Variants in SLC30A7 observed in about 807,000 individuals in gnomAD.
SLC30A7 encodes zinc transporter 7.
A neutral mutation model predicts 46.0 loss-of-function variants in SLC30A7; 35 were observed. The ratio of observed to expected loss-of-function variants is 0.76; its 90% CI spans 0.58 to 1.01. SLC30A7 has a LOEUF of 1.01. Ranked by LOEUF, SLC30A7 falls within the 50% of genes least tolerant of loss-of-function variation. SLC30A7 has a pLI of 0.00. For synonymous variants in SLC30A7, 147 were observed against 157.8 expected (o/e 0.93, Z 0.51); for missense variants, 464 against 451.1 (o/e 1.03, Z -0.26).
In SLC30A7 at chr1:100,975,608, A is replaced by C. The variant is rs1656422260; in HGVS notation, c.*751A>C. 1 of 152,270 alleles carries C rather than the reference A, an allele frequency of 6.6e-6. No individual in the cohort carries two copies. The highest frequency in any genetic ancestry group is 1.5e-5 in the Non-Finnish European group (1 of 68,054). The allele number at this position is 152,270 out of a possible 1,614,324, so 9.4% of individuals were successfully genotyped here. On this transcript the variant is annotated 3_prime_UTR_variant, in exon 11 of 11. Transcript: ENST00000357650. The stretch of plus-strand genomic sequence containing the variant: ...AGTGGCATAATCTCAGCTCACTGCA[A>C]CCTCTGCTTCCCGGGTTCAAGCTAT...
chr1:100,947,878 T>C lies in SLC30A7; in HGVS notation c.843-13950T>C, dbSNP rs7530599. On this transcript the variant is annotated intron_variant, in intron 8 of 10. Transcript: ENST00000357650. ...GAGACTAGGATTGCAATCCCTGCTC[T>C]TTTTTTGCTTGCCGTTTGCTTGGTA... is the stretch of plus-strand genomic sequence containing the variant. 9.4e-3 allele frequency among the ~76,000 whole-genome samples: 1,430 copies of C among 152,294 alleles called. 21 individuals are homozygous for C. Among genetic ancestry groups the C allele is most frequent in the African/African-American group, 0.033 (1,369 of 41,560 alleles).
At chr1:100,969,546 G>C (rs1656045135) in intron 10 of SLC30A7, among the ~76,000 whole-genome samples, 1 of 152,212 alleles carries the variant, frequency 6.6e-6, no homozygotes, top group Admixed American at 6.5e-5. Flanking sequence ...CAAGTAAGTG[G>C]AAGGAGGTTC....
intron 8 of SLC30A7, 37 bp from the exon 9 acceptor site, chr1:100,961,791 T>A (rs1436728813): frequency 7.6e-7 from 1 of 1,321,058 alleles, no homozygotes; most frequent in Non-Finnish European, 1.1e-6. Flanking sequence ...ATTAGCAGAA[T>A]GTGACTTTAA....
intron 4 of SLC30A7, among the ~76,000 whole-genome samples, chr1:100,911,850 T>C (rs1652121599): frequency 6.6e-6 from 1 of 152,120 alleles, no homozygotes; most frequent in Admixed American, 6.6e-5. Flanking sequence ...TGAAAGGCAG[T>C]ATTTCAAGAT....
At position 100,911,159 on chromosome 1, in the gene SLC30A7, G is replaced by A. The variant is rs1652067436; in HGVS notation, c.384+9G>A. 4 of 1,547,860 alleles carry A rather than the reference G, an allele frequency of 2.6e-6. No homozygotes were observed. Among genetic ancestry groups the A allele is most frequent in the Admixed American group, 3.5e-5 (2 of 57,954 alleles). On this transcript the variant is annotated intron_variant, in intron 4 of 10. Transcript: ENST00000357650. ...TCTCAGAAGGAGTTGAGGTATAGTA[G>A]ATAATTATTAAAGTCAGTAAATTAC...
intron 8 of SLC30A7, among the ~76,000 whole-genome samples, chr1:100,934,309 A>G (rs973572752): frequency 2.0e-5 from 3 of 152,222 alleles, no homozygotes; most frequent in African/African-American, 7.2e-5. Context: ...AAGAATTCTC[A>G]GAATATGGCC....
chr1:100,956,477 G>A (rs1655233956), intron 8 of SLC30A7, among the ~76,000 whole-genome samples: 1 of 152,148 alleles, frequency 6.6e-6, no homozygotes, highest in South Asian at 2.1e-4. Context: ...GGATAAATCT[G>A]TAGATGTTTT....
Position 100,979,776 on chromosome 1 carries a change from T to A in SLC30A7, c.*4919T>A, listed in dbSNP as rs564694413. 13 of 152,280 alleles carry A rather than the reference T, an allele frequency of 8.5e-5. No homozygotes were observed. Among genetic ancestry groups the A allele is most frequent in the African/African-American group, 3.1e-4 (13 of 41,578 alleles). 9.4% of individuals were successfully genotyped at this position (152,280 alleles called of 1,614,324 possible). A position where few individuals can be genotyped will look rare whatever the true frequency, so the allele number is the denominator to read the frequency against. On this transcript the variant is annotated 3_prime_UTR_variant, in exon 11 of 11. Transcript: ENST00000357650. ...TACAGATGAGGAAGCTGTTTGGAGA[T>A]AATTTAAGTGACTTGCCTGGGGAAT...
intron 4 of SLC30A7, 73 bp downstream of exon 4, chr1:100,911,223 G>A: frequency 1.9e-6 from 2 of 1,062,362 alleles, no homozygotes; most frequent in Non-Finnish European, 1.4e-6. Context: ...AAAGATATAT[G>A]TAAGTTTTTT....
chr1:100,971,805 G>A (rs1370247833), intron 10 of SLC30A7, among the ~76,000 whole-genome samples: 1 of 152,076 alleles, frequency 6.6e-6, no homozygotes, highest in Non-Finnish European at 1.5e-5. Context: ...ATTTTAAAGG[G>A]ATAAGGATGA....
intron 8 of SLC30A7, among the ~76,000 whole-genome samples, chr1:100,935,317 A>T (rs1653891868): frequency 6.6e-6 from 1 of 152,220 alleles, no homozygotes; most frequent in African/African-American, 2.4e-5. Flanking sequence ...TTTTATAGGC[A>T]TGAATTCTAG....
intron 8 of SLC30A7, chr1:100,941,399 G>C (rs1654341419): frequency 2.5e-6 from 1 of 400,334 alleles, no homozygotes. Context: ...TTTTCGGCTA[G>C]ATGAAGCACT....
the SLC30A7 span, among the ~76,000 whole-genome samples, chr1:100,988,932 G>A: frequency 1.4e-4 from 22 of 152,062 alleles, no homozygotes; most frequent in African/African-American, 4.8e-4. Flanking sequence ...TATCTCAAAT[G>A]AAGTAAAATA....
chr1:100,945,117 C>T (rs1274979165), intron 8 of SLC30A7, among the ~76,000 whole-genome samples: 1 of 152,134 alleles, frequency 6.6e-6, no homozygotes, highest in African/African-American at 2.4e-5. Flanking sequence ...ATATCCTTCT[C>T]CCACTTTTTG....
intron 8 of SLC30A7, among the ~76,000 whole-genome samples, chr1:100,932,527 G>T (rs1255536008): frequency 6.6e-6 from 1 of 152,074 alleles, no homozygotes; most frequent in Non-Finnish European, 1.5e-5. Context: ...AATATAACTA[G>T]ATATATACGT....
At chr1:100,960,687 G>A (rs1655486397) in intron 8 of SLC30A7, among the ~76,000 whole-genome samples, 1 of 152,100 alleles carries the variant, frequency 6.6e-6, no homozygotes, top group South Asian at 2.1e-4. Flanking sequence ...TTAAAAGTGA[G>A]CACTGATTTA....
chr1:100,947,892 G>A (rs866875174), intron 8 of SLC30A7, among the ~76,000 whole-genome samples: 25 of 151,562 alleles, frequency 1.6e-4, no homozygotes, highest in Non-Finnish European at 2.8e-4. Flanking sequence ...TTTGCTTGCC[G>A]TTTGCTTGGT....
intron 10 of SLC30A7, among the ~76,000 whole-genome samples, chr1:100,967,008 G>A (rs1044629713): frequency 6.6e-6 from 1 of 152,210 alleles, no homozygotes; most frequent in African/African-American, 2.4e-5. Flanking sequence ...GCCATCATGA[G>A]TTAACATAGC....
chr1:100,899,161 A>G (rs1439561658), intron 2 of SLC30A7, among the ~76,000 whole-genome samples: 1 of 152,162 alleles, frequency 6.6e-6, no homozygotes, highest in Non-Finnish European at 1.5e-5. Flanking sequence ...TCACCTTCCC[A>G]CTAGAACGTA....
Sources: gnomAD v4.1 joint callset for allele counts (sites outside exome capture counted in the v4.1 genomes callset) on GRCh38, gnomAD v4.1.1 for gene constraint, MANE v1.5 for transcripts, NCBI Gene and HGNC (gene_info 2026-07-23, HGNC 2026-07-21) for gene names.